ATP9B: variants seen among roughly 807,000 people sequenced by gnomAD.
The protein encoded by ATP9B is probable phospholipid-transporting ATPase IIB.
In ATP9B, 110 loss-of-function variants were observed where a neutral mutation model predicts 146.1. That is an observed-to-expected ratio of 0.75 (90% CI 0.65 to 0.88). The LOEUF is 0.88. Ranked by LOEUF, ATP9B falls within the 40% of genes least tolerant of loss-of-function variation. ATP9B has a pLI of 0.00. For missense variants in ATP9B, 1,499 were observed against 1,496.4 expected, an observed-to-expected ratio of 1.00 and a Z score of -0.03; for synonymous variants, 604 against 569.7, an observed-to-expected ratio of 1.06 and a Z score of -0.86.
intron 1 of ATP9B, among the ~76,000 whole-genome samples, chr18:79,079,526 C>T (rs888282725): frequency 6.6e-6 from 1 of 152,058 alleles, no homozygotes; most frequent in Non-Finnish European, 1.5e-5. Flanking sequence ...ATTTAAGTTC[C>T]TCGTAGATTC....
At chr18:79,132,439 C>T (rs999814538) in intron 5 of ATP9B, among the ~76,000 whole-genome samples, 2 of 152,086 alleles carry the variant, frequency 1.3e-5, no homozygotes, top group Non-Finnish European at 2.9e-5. Context: ...GAGAAAGCTG[C>T]GGTTTGTGAA....
intron 15 of ATP9B, among the ~76,000 whole-genome samples, chr18:79,312,809 A>T (rs1470659463): frequency 1.3e-5 from 2 of 152,238 alleles, no homozygotes; most frequent in Non-Finnish European, 2.9e-5. Context: ...CCTTTTTGGT[A>T]CAATGTGAAA....
At chr18:79,331,324 C>A (rs1169136002) in intron 17 of ATP9B, among the ~76,000 whole-genome samples, 1 of 152,042 alleles carries the variant, frequency 6.6e-6, no homozygotes, top group African/African-American at 2.4e-5. Flanking sequence ...AAATTAAACT[C>A]CCTGAAGACC....
intron 8 of ATP9B, among the ~76,000 whole-genome samples, chr18:79,185,024 G>C (rs1011737600): frequency 6.6e-6 from 1 of 151,996 alleles, no homozygotes; most frequent in Non-Finnish European, 1.5e-5. Context: ...AAGGATGTCG[G>C]TACATGTTTC....
At chr18:79,123,048 C>A (rs555626341) in intron 4 of ATP9B, among the ~76,000 whole-genome samples, 1 of 152,162 alleles carries the variant, frequency 6.6e-6, no homozygotes, top group South Asian at 2.1e-4. Flanking sequence ...TTTGCTCCCA[C>A]CAGTTCTGTT....
At chr18:79,164,570 T>G (rs2094935801) in intron 7 of ATP9B, among the ~76,000 whole-genome samples, 1 of 151,654 alleles carries the variant, frequency 6.6e-6, no homozygotes, top group East Asian at 1.9e-4. Context: ...AAAAAAAAAA[T>G]TAGCCAGACA....
intron 7 of ATP9B, among the ~76,000 whole-genome samples, chr18:79,161,587 G>A (rs150192804): frequency 0.02 from 2,978 of 152,218 alleles, 49 homozygotes; most frequent in Middle Eastern, 0.034. Flanking sequence ...GGTGGCTCAC[G>A]CTTGTAATCC....
intron 11 of ATP9B, among the ~76,000 whole-genome samples, chr18:79,247,097 G>T (rs2144896168): frequency 6.6e-6 from 1 of 152,286 alleles, no homozygotes; most frequent in African/African-American, 2.4e-5. Flanking sequence ...ACATTTGAAA[G>T]AATTTATAAT....
chr18:79,167,841 A>G (rs894973921), intron 7 of ATP9B, among the ~76,000 whole-genome samples: 4 of 152,048 alleles, frequency 2.6e-5, no homozygotes, highest in East Asian at 1.9e-4. Context: ...GGACCTGCCA[A>G]TTTTTGCCCA....
At chr18:79,347,061 G>A (rs1048126013) in intron 23 of ATP9B, among the ~76,000 whole-genome samples, 7 of 152,308 alleles carry the variant, frequency 4.6e-5, no homozygotes, top group East Asian at 3.9e-4. Flanking sequence ...CAGATCCCTC[G>A]GCGAGCCTTT....
At chr18:79,134,895 A>G (rs1275034031) in intron 5 of ATP9B, among the ~76,000 whole-genome samples, 1 of 152,308 alleles carries the variant, frequency 6.6e-6, no homozygotes, top group South Asian at 2.1e-4. Context: ...AAGTCTACTC[A>G]TTCCCCATAT....
chr18:79,372,916 AT>A, intron 27 of ATP9B, 34 bp downstream of exon 27: 4 of 1,464,720 alleles, frequency 2.7e-6, no homozygotes, highest in South Asian at 1.2e-5. Context: ...TGGACTAAAG[AT>A]TTTTTTATTT....
chr18:79,093,118 C>T (rs518703), intron 1 of ATP9B, among the ~76,000 whole-genome samples: 20,051 of 152,122 alleles, frequency 0.13, 1,917 homozygotes, highest in African/African-American at 0.27. Context: ...AATTTTTCAG[C>T]TTCCTTATTA....
Position 79,118,463 on chromosome 18 carries a change from C to T in ATP9B, c.558+5109C>T, listed in dbSNP as rs1235352083. 7.8e-5 allele frequency among the ~76,000 whole-genome samples: 10 copies of T among 128,208 alleles called. No individual in the cohort carries two copies. The South Asian group carries it at 1.1e-3, about 14-fold the overall frequency. 84.1% of individuals were successfully genotyped at this position (128,208 alleles called of 152,430 possible). ...TCGCCCAGGCTGGAGTGCAGTGGCG[C>T]GATCTCGGCTCACTGCAAGCTCCGC... On this transcript the variant is annotated intron_variant, in intron 4 of 29. Coordinates refer to ENST00000426216, the MANE Select transcript of ATP9B (RefSeq NM_198531.5).
At chr18:79,296,655 TTC>T (rs1401473009) in intron 13 of ATP9B, among the ~76,000 whole-genome samples, 3 of 152,248 alleles carry the variant, frequency 2.0e-5, no homozygotes, top group Non-Finnish European at 4.4e-5. Flanking sequence ...AGTGTTTGAT[TTC>T]TGTTTACAGC....
At chr18:79,334,185 G>A (rs971746534) in intron 17 of ATP9B, among the ~76,000 whole-genome samples, 2 of 151,952 alleles carry the variant, frequency 1.3e-5, no homozygotes, top group Non-Finnish European at 2.9e-5. Context: ...GTGAAACCCC[G>A]TCTCTACTAA....
chr18:79,104,700 T>G (rs922444549), intron 2 of ATP9B, among the ~76,000 whole-genome samples: 1 of 152,042 alleles, frequency 6.6e-6, no homozygotes, highest in Non-Finnish European at 1.5e-5. Flanking sequence ...TTTGCGGGAG[T>G]TAAAACAGCT....
At chr18:79,361,981 G>A (rs191685593) in intron 26 of ATP9B, 8 of 179,890 alleles carry the variant, frequency 4.4e-5, no homozygotes, top group Admixed American at 2.6e-4. Flanking sequence ...ATAAAGGGCC[G>A]CGGCCTGCAG....
intron 8 of ATP9B, among the ~76,000 whole-genome samples, chr18:79,181,850 A>C (rs1457942747): frequency 6.6e-6 from 1 of 152,106 alleles, no homozygotes; most frequent in African/African-American, 2.4e-5. Context: ...GCTTAATTCC[A>C]TGTATGTTAA....
Sources: allele counts gnomAD v4.1 joint callset (sites outside exome capture counted in the v4.1 genomes callset), GRCh38; gene constraint gnomAD v4.1.1; transcripts MANE v1.5; gene names NCBI Gene and HGNC (gene_info 2026-07-23, HGNC 2026-07-21).